The following NAV3 variants were observed in gnomAD, a reference collection of about 807,000 sequenced individuals.
NAV3 encodes the protein pore membrane and/or filament interacting like protein 1.
In NAV3, 87 loss-of-function variants were observed where a neutral mutation model predicts 244.7. The ratio of observed to expected loss-of-function variants is 0.36; its 90% CI spans 0.30 to 0.42. NAV3 has a LOEUF of 0.42. Ranked by LOEUF, NAV3 falls within the 20% of genes least tolerant of loss-of-function variation. NAV3 has a pLI of 1.00. For missense variants in NAV3, 2,663 were observed against 2,893.3 expected (o/e 0.92, Z 1.83); for synonymous variants, 1,126 against 1,042.2 (o/e 1.08, Z -1.55).
At chr12:77,673,310 T>G (rs1006343750) in intron 2 of NAV3, among the ~76,000 whole-genome samples, 1 of 152,140 alleles carries the variant, frequency 6.6e-6, no homozygotes, top group Non-Finnish European at 1.5e-5. Context: ...ATACTCAGCG[T>G]CTCACATGAA....
At chr12:77,592,777 C>T (rs770533379) in intron 2 of NAV3, among the ~76,000 whole-genome samples, 1 of 152,168 alleles carries the variant, frequency 6.6e-6, no homozygotes, top group African/African-American at 2.4e-5. Flanking sequence ...CCCAGGTTGT[C>T]TGTATATTGG....
rs1889735089 is a variant in NAV3, at chr12:77,940,231, C to G, written c.244-88C>G. ...ACTGGAATGTGATCCAGAATAGCTT[C>G]CCTTTGAATCCAACATTTGTCTTCA... On this transcript the variant is annotated intron_variant, in intron 1 of 39. Coordinates refer to ENST00000397909, the MANE Select transcript of NAV3 (RefSeq NM_001024383.2). 15 of 909,650 alleles carry G rather than the reference C, an allele frequency of 1.6e-5. No homozygotes were observed. In the South Asian group the frequency reaches 2.2e-4, roughly 13 times the overall value. The allele number at this position is 909,650 out of a possible 1,614,324, so 56.3% of individuals were successfully genotyped here.
intron 9 of NAV3, among the ~76,000 whole-genome samples, chr12:78,031,497 C>A (rs1023169581): frequency 2.0e-5 from 3 of 151,876 alleles, no homozygotes; most frequent in African/African-American, 7.3e-5. Context: ...CAGGACTTTT[C>A]CTGAGGTTGT....
At chr12:77,602,740 T>C (rs938928807) in intron 2 of NAV3, among the ~76,000 whole-genome samples, 5 of 151,964 alleles carry the variant, frequency 3.3e-5, no homozygotes, top group African/African-American at 1.2e-4. Flanking sequence ...ATGGCATAAA[T>C]TACCATGCCC....
rs1593191256 is a variant in NAV3, at chr12:77,982,907, A to T, written c.672-11896A>T. Reference sequence around the variant, plus strand: ...AGCATGGCAGCCTTAGTGGTATCATACTTCTCACATGGTAGCTCTAGTGGT... The same window carrying T: ...AGCATGGCAGCCTTAGTGGTATCATTCTTCTCACATGGTAGCTCTAGTGGT... On this transcript the variant is annotated intron_variant, in intron 5 of 39. Coordinates refer to ENST00000397909, the MANE Select transcript of NAV3 (RefSeq NM_001024383.2). Among the ~76,000 whole-genome samples, 9 of 152,324 alleles carry T rather than the reference A, an allele frequency of 5.9e-5. No individual in the cohort carries two copies. The South Asian group carries it at 1.9e-3, about 32-fold the overall frequency.
intron 22 of NAV3, among the ~76,000 whole-genome samples, chr12:78,156,809 G>A (rs528412042): frequency 3.9e-5 from 6 of 152,190 alleles, no homozygotes; most frequent in South Asian, 2.1e-4. Flanking sequence ...TTAAACTGAA[G>A]TGACCATCAT....
chr12:77,899,572 T>G (rs1218438845), intron 1 of NAV3, among the ~76,000 whole-genome samples: 1 of 152,230 alleles, frequency 6.6e-6, no homozygotes, highest in Non-Finnish European at 1.5e-5. Flanking sequence ...GCACACTTAA[T>G]AGACTACAGT....
At chr12:78,023,348 A>T (rs1877476946) in intron 9 of NAV3, among the ~76,000 whole-genome samples, 1 of 152,142 alleles carries the variant, frequency 6.6e-6, no homozygotes, top group African/African-American at 2.4e-5. Flanking sequence ...TCATTTTTCC[A>T]GTTGATATTT....
At chr12:77,798,757 C>T (rs1212895059) in intron 2 of NAV3, among the ~76,000 whole-genome samples, 1 of 152,124 alleles carries the variant, frequency 6.6e-6, no homozygotes. Flanking sequence ...TAGGATTAGG[C>T]TTTGTTTGTT....
chr12:78,140,954 C>T lies in NAV3; in HGVS notation c.4683+620C>T, dbSNP rs1266525080. Among the ~76,000 whole-genome samples the T allele has an allele frequency of 2.0e-5, 3 of 151,808 alleles. No individual in the cohort carries two copies. In the South Asian group the frequency reaches 6.2e-4, roughly 32 times the overall value. On this transcript the variant is annotated intron_variant, in intron 20 of 39. Transcript: ENST00000397909. ...TCACCCAGGCTGGAGTACAATGACA[C>T]AATCATAGCTCACTGCAACCTTGAA...
chr12:78,186,498 A>G (rs958467898), intron 31 of NAV3, among the ~76,000 whole-genome samples: 16 of 151,852 alleles, frequency 1.1e-4, no homozygotes, highest in African/African-American at 3.9e-4. Context: ...ATGTGTACCT[A>G]CTTTTCCCAA....
intron 12 of NAV3, among the ~76,000 whole-genome samples, chr12:78,110,063 A>G (rs1221103318): frequency 1.3e-5 from 2 of 152,052 alleles, no homozygotes; most frequent in African/African-American, 4.8e-5. Context: ...TCCAGCAAAA[A>G]CCTCTTAGAT....
Position 78,210,591 on chromosome 12 carries a change from C to G in NAV3, c.*74C>G. The G allele has an allele frequency of 6.5e-7, 1 of 1,544,040 alleles. No homozygotes were observed. The highest frequency in any genetic ancestry group is 8.8e-7 in the Non-Finnish European group (1 of 1,141,336). On this transcript the variant is annotated 3_prime_UTR_variant, in exon 40 of 40. Transcript: ENST00000397909. ...CAAAAGAAAGGTATTTTCACTAAAC[C>G]ACTGCCAGTATAAAAGCACCCTGTC...
At chr12:77,753,239 C>T (rs1360797602) in intron 2 of NAV3, among the ~76,000 whole-genome samples, 1 of 152,190 alleles carries the variant, frequency 6.6e-6, no homozygotes, top group Non-Finnish European at 1.5e-5. Context: ...TGTCTAGAAT[C>T]TACGCAGTGA....
At chr12:78,176,310 T>C (rs1045057469) in intron 25 of NAV3, 129 bp from the exon 26 acceptor site, 2 of 780,780 alleles carry the variant, frequency 2.6e-6, no homozygotes, top group South Asian at 2.5e-5. Flanking sequence ...TTTACTGGAG[T>C]GCTTTCTACA....
At chr12:77,755,424 C>T (rs1357123008) in intron 2 of NAV3, among the ~76,000 whole-genome samples, 1 of 152,078 alleles carries the variant, frequency 6.6e-6, no homozygotes, top group East Asian at 1.9e-4. Context: ...CCTCTGCTTA[C>T]GTTGATGGGA....
At chr12:77,577,168 G>A (rs1869127597) in intron 2 of NAV3, among the ~76,000 whole-genome samples, 1 of 152,130 alleles carries the variant, frequency 6.6e-6, no homozygotes. Flanking sequence ...ATACTCGGAT[G>A]CAGATTAAGA....
At chr12:77,882,164 T>A (rs1882730475) in intron 1 of NAV3, among the ~76,000 whole-genome samples, 1 of 152,122 alleles carries the variant, frequency 6.6e-6, no homozygotes. Flanking sequence ...TCACACTACA[T>A]GACTTCAAAC....
rs1009354026 is a variant in NAV3, at chr12:78,171,404, C to T, written c.4981+2538C>T. Among the ~76,000 whole-genome samples, 9 of 151,660 alleles carry T rather than the reference C, an allele frequency of 5.9e-5. 1 individual carries two copies. The Admixed American group carries it at 5.9e-4, about 10-fold the overall frequency. On this transcript the variant is annotated intron_variant, in intron 24 of 39. Coordinates refer to ENST00000397909, the MANE Select transcript of NAV3 (RefSeq NM_001024383.2). ...TTAGGCAACAGGTAGCTGAATATAT[C>T]TACAGAAATTGAAAAATTGGAATTC...
Sources: allele counts gnomAD v4.1 joint callset (sites outside exome capture counted in the v4.1 genomes callset), GRCh38; gene constraint gnomAD v4.1.1; transcripts MANE v1.5; gene names NCBI Gene and HGNC (gene_info 2026-07-23, HGNC 2026-07-21).